The following PHLPP2 variants were observed in gnomAD, a reference collection of about 807,000 sequenced individuals.
PHLPP2 encodes PH domain and leucine rich repeat protein phosphatase 2.
PHLPP2 carries 66 observed loss-of-function variants against 124.9 expected under a neutral mutation model. The ratio of observed to expected loss-of-function variants is 0.53; its 90% CI spans 0.43 to 0.65. The LOEUF (loss-of-function observed/expected upper bound fraction) is 0.65, where lower values mean the gene tolerates loss of function less well. Among genes scored for constraint, PHLPP2 ranks in the 30% least tolerant of loss-of-function variants. The pLI, the probability that PHLPP2 is intolerant of heterozygous loss-of-function variation, is 0.00. For synonymous variants in PHLPP2, 681 were observed against 624.7 expected (o/e 1.09, Z -1.34); for missense variants, 1,685 against 1,600.4 (o/e 1.05, Z -0.90).
intron 1 of PHLPP2, among the ~76,000 whole-genome samples, chr16:71,722,666 GAA>G (rs1047406457): frequency 6.6e-6 from 1 of 152,006 alleles, no homozygotes; most frequent in Non-Finnish European, 1.5e-5. Context: ...ATGTATTTTT[GAA>G]ACACATCAAA....
intron 2 of PHLPP2, among the ~76,000 whole-genome samples, chr16:71,712,143 G>GCA (rs956774755): frequency 1.6e-4 from 25 of 152,322 alleles, no homozygotes; most frequent in African/African-American, 5.1e-4. Context: ...TGTGCATAAA[G>GCA]CACTAAGCAT....
chr16:71,648,229 C>A lies in PHLPP2; in HGVS notation c.*661G>T, dbSNP rs1220339578. 2 of 153,160 alleles carry A rather than the reference C, an allele frequency of 1.3e-5. No individual in the cohort carries two copies. Among genetic ancestry groups the A allele is most frequent in the Non-Finnish European group, 2.9e-5 (2 of 68,168 alleles). 9.5% of individuals were successfully genotyped at this position (153,160 alleles called of 1,614,324 possible). A position where few individuals can be genotyped will look rare whatever the true frequency, so the allele number is the denominator to read the frequency against. On this transcript the variant is annotated 3_prime_UTR_variant, in exon 19 of 19. Transcript: ENST00000568954. Reference sequence around the variant, plus strand: ...AATCAATCTTCACTTTTTTCCTCCACAGAAATAGTCCCTTTCCTGCCCAGG... The same window carrying A: ...AATCAATCTTCACTTTTTTCCTCCAAAGAAATAGTCCCTTTCCTGCCCAGG...
chr16:71,661,093 G>T (rs2044786049), intron 13 of PHLPP2, among the ~76,000 whole-genome samples: 1 of 144,980 alleles, frequency 6.9e-6, no homozygotes, highest in African/African-American at 2.6e-5. Context: ...TTGAGATAGG[G>T]TCCCGCTCTG....
At chr16:71,679,612 C>T (rs1214573281) in intron 6 of PHLPP2, 77 bp from the exon 7 acceptor site, 3 of 1,183,074 alleles carry the variant, frequency 2.5e-6, no homozygotes, top group East Asian at 4.7e-5. Flanking sequence ...CATCAACGGC[C>T]TTTGATATCT....
intron 3 of PHLPP2, among the ~76,000 whole-genome samples, chr16:71,700,555 T>C (rs2045222256): frequency 7.5e-6 from 1 of 133,576 alleles, no homozygotes; most frequent in Non-Finnish European, 1.6e-5. Flanking sequence ...AGACAGAGTC[T>C]CGCTCTGTCA....
chr16:71,667,558 T>C (rs2044850273), intron 11 of PHLPP2, among the ~76,000 whole-genome samples: 1 of 152,206 alleles, frequency 6.6e-6, no homozygotes, highest in Admixed American at 6.5e-5. Flanking sequence ...GGTGAATTAA[T>C]GAAGGCAAAC....
Position 71,647,145 on chromosome 16 carries a change from A to C in PHLPP2, c.*1745T>G, listed in dbSNP as rs1389439723. ...GCCCTACTTTATTTTTAATTGTAAA[A>C]GTGTTCCAAAAATTCAAAGCACATT... On this transcript the variant is annotated 3_prime_UTR_variant, in exon 19 of 19. Transcript: ENST00000568954. The C allele has an allele frequency of 1.3e-5, 2 of 152,652 alleles. No homozygotes were observed. Among genetic ancestry groups the C allele is most frequent in the African/African-American group, 4.8e-5 (2 of 41,452 alleles). 9.5% of individuals were successfully genotyped at this position (152,652 alleles called of 1,614,324 possible).
chr16:71,720,582 C>T (rs1174781992), intron 1 of PHLPP2, among the ~76,000 whole-genome samples: 3 of 152,066 alleles, frequency 2.0e-5, no homozygotes, highest in Admixed American at 6.5e-5. Flanking sequence ...ATGTGAAATA[C>T]GGCCGGGTGC....
intron 3 of PHLPP2, among the ~76,000 whole-genome samples, chr16:71,701,590 G>C (rs778903760): frequency 1.1e-4 from 16 of 152,078 alleles, no homozygotes; most frequent in Non-Finnish European, 2.2e-4. Flanking sequence ...TTTATCAGAT[G>C]GTGGTAGGAA....
At chr16:71,716,390 T>A (rs902493188) in intron 1 of PHLPP2, among the ~76,000 whole-genome samples, 1 of 152,122 alleles carries the variant, frequency 6.6e-6, no homozygotes, top group Non-Finnish European at 1.5e-5. Flanking sequence ...ATTCCTGCCC[T>A]GTTTCAAAAA....
intron 2 of PHLPP2, 88 bp from the exon 3 acceptor site, chr16:71,702,819 T>G (rs1597013860): frequency 1.6e-6 from 1 of 625,918 alleles, no homozygotes; most frequent in East Asian, 3.9e-5. Context: ...TTGTATAAAT[T>G]TCAGGGGTAC....
chr16:71,712,353 GCACATAAGTAAATAAA>G (rs1484142662), intron 2 of PHLPP2, among the ~76,000 whole-genome samples: 4 of 152,258 alleles, frequency 2.6e-5, no homozygotes, highest in South Asian at 4.1e-4. Flanking sequence ...AGGCTACAGG[GCACATAAGTAAATAAA>G]CACATAAGTA....
intron 3 of PHLPP2, among the ~76,000 whole-genome samples, chr16:71,696,626 G>C (rs2045173789): frequency 6.6e-6 from 1 of 150,798 alleles, no homozygotes; most frequent in South Asian, 2.1e-4. Context: ...CTCCAGCCTG[G>C]GCCACAGTGA....
rs2044944532 is a variant in PHLPP2, at chr16:71,676,295, T to C, written c.1471+152A>G. The stretch of plus-strand genomic sequence containing the variant: ...TATGCACACTGCAACCACTTAAGTA[T>C]TGACAGCAAAGTGAAGAGATAAAGC... On this transcript the variant is annotated intron_variant, in intron 9 of 18. Transcript: ENST00000568954. The C allele has an allele frequency of 2.1e-5, 13 of 625,074 alleles. No individual in the cohort carries two copies. In the South Asian group the frequency reaches 2.4e-4, roughly 11 times the overall value. 38.7% of individuals were successfully genotyped at this position (625,074 alleles called of 1,614,324 possible).
At chr16:71,676,701 G>A (rs751056223) in intron 8 of PHLPP2, 52 bp from the exon 9 acceptor site, 4 of 1,317,588 alleles carry the variant, frequency 3.0e-6, no homozygotes, top group Non-Finnish European at 4.4e-6. Flanking sequence ...TATTAAATGT[G>A]CTTACCAGAA....
At chr16:71,701,805 CTT>C (rs2045235606) in intron 3 of PHLPP2, among the ~76,000 whole-genome samples, 1 of 152,180 alleles carries the variant, frequency 6.6e-6, no homozygotes, top group Admixed American at 6.5e-5. Context: ...CATTCACTAA[CTT>C]TTATTACAGC....
Position 71,644,993 on chromosome 16 carries a change from C to T in PHLPP2, c.*3897G>A, listed in dbSNP as rs1053450219. 16 of 291,852 alleles carry T rather than the reference C, an allele frequency of 5.5e-5. No homozygotes were observed. Among genetic ancestry groups the T allele is most frequent in the Non-Finnish European group, 1.0e-4 (15 of 148,982 alleles). The allele number at this position is 291,852 out of a possible 1,614,324, so 18.1% of individuals were successfully genotyped here. Reference sequence around the variant, plus strand: ...TTATTGTTATTGTTATTTTTACAAACAATAGATTTGCTGCAACATGCTCTG... The same window carrying T: ...TTATTGTTATTGTTATTTTTACAAATAATAGATTTGCTGCAACATGCTCTG... On this transcript the variant is annotated 3_prime_UTR_variant, in exon 19 of 19. Coordinates refer to ENST00000568954, the MANE Select transcript of PHLPP2 (RefSeq NM_015020.3).
At chr16:71,679,327 C>T in intron 7 of PHLPP2, 62 bp downstream of exon 7, 2 of 1,455,078 alleles carry the variant, frequency 1.4e-6, no homozygotes, top group Non-Finnish European at 1.9e-6. Context: ...ACCTTCATTC[C>T]AAACCCCAGG....
chr16:71,658,514 A>G (rs2044760624), intron 14 of PHLPP2, 139 bp downstream of exon 14: 1 of 1,184,538 alleles, frequency 8.4e-7, no homozygotes, highest in Non-Finnish European at 1.2e-6. Context: ...ACTGGAGCAC[A>G]TAAGAAGACA....
Sources: allele counts gnomAD v4.1 joint callset (sites outside exome capture counted in the v4.1 genomes callset), GRCh38; gene constraint gnomAD v4.1.1; transcripts MANE v1.5; gene names NCBI Gene and HGNC (gene_info 2026-07-23, HGNC 2026-07-21).